The following WASF3 variants were observed in gnomAD, a reference collection of about 807,000 sequenced individuals.
WASF3 encodes actin-binding protein WASF3.
In WASF3, 11 loss-of-function variants were observed where a neutral mutation model predicts 46.6. The ratio of observed to expected loss-of-function variants is 0.24; its 90% CI spans 0.15 to 0.39. The LOEUF (loss-of-function observed/expected upper bound fraction) is 0.39, where lower values mean the gene tolerates loss of function less well. Ranked by LOEUF, WASF3 falls within the 10% of genes least tolerant of loss-of-function variation. The pLI, the probability that WASF3 is intolerant of heterozygous loss-of-function variation, is 1.00. For synonymous variants in WASF3, 242 were observed against 259.7 expected (o/e 0.93, Z 0.65); for missense variants, 576 against 669.8 (o/e 0.86, Z 1.55).
At position 26,672,777 on chromosome 13, in the gene WASF3, G is replaced by C. The variant is rs547429695; in HGVS notation, c.540+788G>C. 4.6e-5 allele frequency among the ~76,000 whole-genome samples: 7 copies of C among 152,298 alleles called. No individual in the cohort carries two copies. In the South Asian group the frequency reaches 1.4e-3, roughly 32 times the overall value. ...CATTTTGTGAGTTGATAGCCTTAGGGTTTTGAGGCATTGAGGTGTGTTGGC... is the reference window on the plus strand; with the variant it reads ...CATTTTGTGAGTTGATAGCCTTAGGCTTTTGAGGCATTGAGGTGTGTTGGC... On this transcript the variant is annotated intron_variant, in intron 6 of 9. Coordinates refer to ENST00000335327, the MANE Select transcript of WASF3 (RefSeq NM_006646.6).
upstream of WASF3, among the ~76,000 whole-genome samples, chr13:26,553,707 C>G (rs557474021): frequency 2.2e-4 from 34 of 151,736 alleles, no homozygotes; most frequent in African/African-American, 6.8e-4. Context: ...GTCCCAGCTA[C>G]TTGGGAGGCT....
intron 1 of WASF3, among the ~76,000 whole-genome samples, chr13:26,591,636 G>T (rs1201135581): frequency 6.6e-6 from 1 of 152,126 alleles, no homozygotes; most frequent in Non-Finnish European, 1.5e-5. Context: ...TTCATATTAG[G>T]GTTGTGTATT....
At chr13:26,643,381 A>G (rs1882056990) in intron 3 of WASF3, among the ~76,000 whole-genome samples, 1 of 152,102 alleles carries the variant, frequency 6.6e-6, no homozygotes, top group Non-Finnish European at 1.5e-5. Flanking sequence ...TCTTGAAGAA[A>G]CGCTGCAGGT....
chr13:26,680,902 C>CG (rs1883204942), intron 7 of WASF3, 152 bp from the exon 8 acceptor site: 1 of 922,528 alleles, frequency 1.1e-6, no homozygotes, highest in African/African-American at 1.7e-5. Flanking sequence ...CTTGGAATCT[C>CG]TCACGGGGCT....
At chr13:26,683,399 G>A (rs569275901) in intron 9 of WASF3, among the ~76,000 whole-genome samples, 46 of 151,996 alleles carry the variant, frequency 3.0e-4, no homozygotes, top group African/African-American at 1.0e-3. Context: ...TTGCTTGAGT[G>A]TGGGAGGTCA....
chr13:26,591,163 G>T (rs1880281052), intron 1 of WASF3, among the ~76,000 whole-genome samples: 1 of 151,994 alleles, frequency 6.6e-6, no homozygotes, highest in Non-Finnish European at 1.5e-5. Context: ...GAGAGAGTAA[G>T]AGATGAGGAC....
At chr13:26,670,623 A>G (rs1245669218) in intron 5 of WASF3, among the ~76,000 whole-genome samples, 1 of 152,170 alleles carries the variant, frequency 6.6e-6, no homozygotes, top group Non-Finnish European at 1.5e-5. Context: ...TATGTCTTAA[A>G]TTTTGCAGCT....
chr13:26,553,766 G>A (rs369687736), upstream of WASF3, among the ~76,000 whole-genome samples: 5 of 150,824 alleles, frequency 3.3e-5, no homozygotes, highest in Admixed American at 1.3e-4. Context: ...GCAGTGAGCC[G>A]AGATCACGCC....
chr13:26,629,605 A>G (rs1227115388), intron 2 of WASF3, among the ~76,000 whole-genome samples: 1 of 152,060 alleles, frequency 6.6e-6, no homozygotes, highest in East Asian at 1.9e-4. Context: ...CTTCCCCTGG[A>G]TGTATGAGTC....
At chr13:26,582,960 G>T (rs1880028419) in intron 1 of WASF3, among the ~76,000 whole-genome samples, 1 of 152,160 alleles carries the variant, frequency 6.6e-6, no homozygotes, top group Admixed American at 6.5e-5. Flanking sequence ...TACCTTGAGA[G>T]AATAATTAGT....
At chr13:26,606,321 CGTGTGTGTGT>C (rs60865367) in intron 1 of WASF3, among the ~76,000 whole-genome samples, 36,441 of 131,860 alleles carry the variant, frequency 0.28, 5,138 homozygotes, top group East Asian at 0.54. Flanking sequence ...TCTTTTTTTT[CGTGTGTGTGT>C]GTGTGTGTGT....
chr13:26,608,147 C>T (rs755735097), intron 1 of WASF3, among the ~76,000 whole-genome samples: 3 of 149,422 alleles, frequency 2.0e-5, no homozygotes, highest in East Asian at 2.0e-4. Flanking sequence ...GATTCTCTGG[C>T]GAGGGACTGT....
intron 1 of WASF3, among the ~76,000 whole-genome samples, chr13:26,573,215 A>G (rs976172485): frequency 3.9e-5 from 6 of 152,168 alleles, no homozygotes; most frequent in East Asian, 1.9e-4. Context: ...CTGTTTTCCT[A>G]TGAAATTATC....
intron 1 of WASF3, among the ~76,000 whole-genome samples, chr13:26,594,774 G>A (rs1251596424): frequency 6.6e-6 from 1 of 151,418 alleles, no homozygotes; most frequent in African/African-American, 2.4e-5. Context: ...ATTTCCTGGG[G>A]ATTTTTCTTC....
intron 1 of WASF3, among the ~76,000 whole-genome samples, chr13:26,605,311 A>G (rs1880760377): frequency 6.6e-6 from 1 of 152,146 alleles, no homozygotes; most frequent in Non-Finnish European, 1.5e-5. Flanking sequence ...TTATTATTTT[A>G]TCTTTTTATG....
upstream of WASF3, among the ~76,000 whole-genome samples, chr13:26,555,884 C>T (rs886269621): frequency 1.1e-4 from 17 of 152,206 alleles, no homozygotes; most frequent in Non-Finnish European, 1.8e-4. Flanking sequence ...GGATGAGGCA[C>T]TTATTAGCGG....
chr13:26,675,437 C>G (rs1249347145), intron 6 of WASF3, among the ~76,000 whole-genome samples: 1 of 151,594 alleles, frequency 6.6e-6, no homozygotes, highest in Non-Finnish European at 1.5e-5. Flanking sequence ...TCAATACTCT[C>G]AGTCATTCCA....
At chr13:26,563,654 C>CAAAAAA (rs34374716) in intron 1 of WASF3, among the ~76,000 whole-genome samples, 33 of 46,902 alleles carry the variant, frequency 7.0e-4, no homozygotes, top group East Asian at 1.5e-3. Context: ...GACTCCATCT[C>CAAAAAA]AAAAAAAAAA....
intron 2 of WASF3, among the ~76,000 whole-genome samples, chr13:26,618,181 T>C (rs1351447818): frequency 6.6e-6 from 1 of 152,186 alleles, no homozygotes; most frequent in Non-Finnish European, 1.5e-5. Flanking sequence ...AGTGCCTCCT[T>C]TTTGTTAAAA....
Sources: allele counts gnomAD v4.1 joint callset (sites outside exome capture counted in the v4.1 genomes callset), GRCh38; gene constraint gnomAD v4.1.1; transcripts MANE v1.5; gene names NCBI Gene and HGNC (gene_info 2026-07-23, HGNC 2026-07-21).